DPP10: variants seen among roughly 807,000 people sequenced by gnomAD.
DPP10 encodes the protein inactive dipeptidyl peptidase 10.
In DPP10, 33 loss-of-function variants were observed where a neutral mutation model predicts 120.9. The observed-to-expected ratio is 0.27, with a 90% CI of 0.21 to 0.37. The LOEUF (loss-of-function observed/expected upper bound fraction) is 0.37, where lower values mean the gene tolerates loss of function less well. DPP10 is among the 10% of genes least tolerant of loss of function. DPP10 has a pLI of 1.00. For missense variants in DPP10, 816 were observed against 942.8 expected (o/e 0.87, Z 1.76); for synonymous variants, 337 against 326.1 (o/e 1.03, Z -0.36).
At chr2:114,756,943 A>G (rs1163973826) in intron 1 of DPP10, among the ~76,000 whole-genome samples, 2 of 152,206 alleles carry the variant, frequency 1.3e-5, no homozygotes, top group African/African-American at 2.4e-5. Flanking sequence ...CTGTGATTAC[A>G]TATGAGGTTA....
At chr2:115,802,736 C>A (rs536985729) in intron 19 of DPP10, among the ~76,000 whole-genome samples, 2 of 151,908 alleles carry the variant, frequency 1.3e-5, no homozygotes, top group Admixed American at 6.6e-5. Context: ...TGTAGTTGAG[C>A]GGTTTTGAGT....
chr2:115,279,448 G>A (rs946197961), intron 1 of DPP10, among the ~76,000 whole-genome samples: 1 of 151,922 alleles, frequency 6.6e-6, no homozygotes, highest in African/African-American at 2.4e-5. Flanking sequence ...TGAACTGCTT[G>A]TTATTGGTCT....
chr2:115,768,358 A>T lies in DPP10; in HGVS notation c.1175A>T (p.Gln392Leu). 2.5e-6 allele frequency: 4 copies of T among 1,613,654 alleles called. No individual in the cohort carries two copies. Among genetic ancestry groups the T allele is most frequent in the Non-Finnish European group, 2.5e-6 (3 of 1,179,670 alleles). The change falls in exon 13 of 26, where the codon CAA becomes CTA. Residue 392 changes from glutamine to leucine, a missense_variant. Transcript: ENST00000410059. ...SKFFMTVPVK[Q>L]GGRGEFHHVA... ...TTCTTTATGACAGTGCCTGTTAAGC[A>T]AGGGGGACGTGGAGAATTTCACCAC...
chr2:115,444,419 T>G (rs775117902), intron 3 of DPP10, among the ~76,000 whole-genome samples: 1 of 152,198 alleles, frequency 6.6e-6, no homozygotes, highest in Non-Finnish European at 1.5e-5. Context: ...AGGGCATAAT[T>G]TTAATAGTAA....
In DPP10 at chr2:115,599,050, T is replaced by A. The variant is rs189897271; in HGVS notation, c.441+73078T>A. Among the ~76,000 whole-genome samples the A allele has an allele frequency of 8.8e-3, 1,345 of 152,138 alleles. 14 individuals are homozygous for A. The highest frequency in any genetic ancestry group is 0.03 in the African/African-American group (1,228 of 41,558). On this transcript the variant is annotated intron_variant, in intron 5 of 25. Coordinates refer to ENST00000410059, the MANE Select transcript of DPP10 (RefSeq NM_020868.6). ...GTTTCTGATGGGAAGTCTGTTTTTA[T>A]TCCAATTATTACACCTCTAAAATCA...
intron 1 of DPP10, among the ~76,000 whole-genome samples, chr2:115,221,234 A>G (rs1164752450): frequency 1.3e-5 from 2 of 152,134 alleles, no homozygotes; most frequent in African/African-American, 4.8e-5. Flanking sequence ...GCTCATATTC[A>G]TGCATAGATG....
chr2:114,720,569 A>C (rs905725205), intron 1 of DPP10, among the ~76,000 whole-genome samples: 2 of 152,226 alleles, frequency 1.3e-5, no homozygotes, highest in African/African-American at 2.4e-5. Context: ...GAAATGCTCA[A>C]TTTGTCTTCT....
chr2:114,992,372 C>G (rs1423447017), intron 1 of DPP10, among the ~76,000 whole-genome samples: 1 of 152,180 alleles, frequency 6.6e-6, no homozygotes, highest in Non-Finnish European at 1.5e-5. Context: ...TAGTGGGAAG[C>G]TGTTGAGCCT....
At chr2:115,456,035 A>T (rs561811160) in intron 3 of DPP10, among the ~76,000 whole-genome samples, 1 of 152,310 alleles carries the variant, frequency 6.6e-6, no homozygotes, top group East Asian at 1.9e-4. Context: ...CAGGCAGCCT[A>T]CAGAATGGGA....
intron 3 of DPP10, among the ~76,000 whole-genome samples, chr2:115,438,272 A>G (rs193044904): frequency 1.3e-5 from 2 of 152,296 alleles, no homozygotes; most frequent in East Asian, 1.9e-4. Context: ...ATGTGGAGAA[A>G]TTAATTGGAA....
chr2:115,746,714 G>A (rs1051362340), intron 10 of DPP10, among the ~76,000 whole-genome samples: 9 of 152,010 alleles, frequency 5.9e-5, no homozygotes, highest in African/African-American at 9.7e-5. Flanking sequence ...TGGGTCAGAA[G>A]CATAATTGTA....
At position 115,306,813 on chromosome 2, in the gene DPP10, G is replaced by A. The variant is rs190707720; in HGVS notation, c.61-2426G>A. Among the ~76,000 whole-genome samples the A allele has an allele frequency of 3.3e-5, 5 of 152,200 alleles. No homozygotes were observed. In the East Asian group the frequency reaches 9.7e-4, roughly 29 times the overall value. ...GACTTCCGTAGCCAGCTGTGACTTGGAAAATATACATTTATTTGCAAACAT... is the reference window on the plus strand; with the variant it reads ...GACTTCCGTAGCCAGCTGTGACTTGAAAAATATACATTTATTTGCAAACAT... On this transcript the variant is annotated intron_variant, in intron 1 of 25. Transcript: ENST00000410059.
chr2:115,716,779 G>A (rs2092509913), intron 7 of DPP10, among the ~76,000 whole-genome samples: 1 of 148,150 alleles, frequency 6.7e-6, no homozygotes, highest in African/African-American at 2.7e-5. Context: ...ATTTTATGAA[G>A]TAGTATAAAA....
At chr2:115,748,822 A>G (rs944674924) in intron 10 of DPP10, among the ~76,000 whole-genome samples, 1 of 152,202 alleles carries the variant, frequency 6.6e-6, no homozygotes, top group African/African-American at 2.4e-5. Context: ...AATCTACAGA[A>G]AGACATAATT....
chr2:115,167,570 G>A (rs536690552), intron 1 of DPP10, among the ~76,000 whole-genome samples: 8 of 140,638 alleles, frequency 5.7e-5, no homozygotes, highest in African/African-American at 1.9e-4. Context: ...TTGTGCCACT[G>A]CACTCTAGCT....
chr2:115,653,880 G>T (rs906194475), intron 5 of DPP10, among the ~76,000 whole-genome samples: 3 of 151,714 alleles, frequency 2.0e-5, no homozygotes, highest in African/African-American at 7.3e-5. Flanking sequence ...CCTCCTTTTT[G>T]TTATCCATGT....
At chr2:114,460,695 A>G (rs1432998282) in intron 1 of DPP10, among the ~76,000 whole-genome samples, 2 of 152,144 alleles carry the variant, frequency 1.3e-5, no homozygotes, top group Non-Finnish European at 2.9e-5. Context: ...TTTGTAGCTT[A>G]GTTTGCGTTA....
At position 114,917,140 on chromosome 2, in the gene DPP10, T is replaced by G. The variant is rs13383600; in HGVS notation, c.61-392099T>G. Among the ~76,000 whole-genome samples the G allele has an allele frequency of 9.8e-3, 1,498 of 152,242 alleles. 20 individuals are homozygous for G. Among genetic ancestry groups the G allele is most frequent in the African/African-American group, 0.035 (1,444 of 41,546 alleles). ...GCAAAGTTTCACAATACAAAATCAATACATGCAAATCAGGAGCATTTCTAT... is the reference window on the plus strand; with the variant it reads ...GCAAAGTTTCACAATACAAAATCAAGACATGCAAATCAGGAGCATTTCTAT... On this transcript the variant is annotated intron_variant, in intron 1 of 25. Coordinates refer to ENST00000410059, the MANE Select transcript of DPP10 (RefSeq NM_020868.6).
chr2:115,454,281 A>G (rs1426289619), intron 3 of DPP10, among the ~76,000 whole-genome samples: 4 of 151,636 alleles, frequency 2.6e-5, no homozygotes, highest in Non-Finnish European at 5.9e-5. Flanking sequence ...AGATAAATAA[A>G]CAACAAAAAC....
Sources: allele counts gnomAD v4.1 joint callset (sites outside exome capture counted in the v4.1 genomes callset), GRCh38; gene constraint gnomAD v4.1.1; transcripts MANE v1.5; gene names NCBI Gene and HGNC (gene_info 2026-07-23, HGNC 2026-07-21).